Variants in HS3ST4 observed in about 807,000 individuals in gnomAD.
The protein encoded by HS3ST4 is heparan sulfate-glucosamine 3-sulfotransferase 4.
A neutral mutation model predicts 29.2 loss-of-function variants in HS3ST4; 17 were observed. The observed-to-expected ratio is 0.58, with a 90% CI of 0.40 to 0.87. The LOEUF (loss-of-function observed/expected upper bound fraction) is 0.87, where lower values mean the gene tolerates loss of function less well. Ranked by LOEUF, HS3ST4 falls within the 40% of genes least tolerant of loss-of-function variation. HS3ST4 has a pLI of 0.00. For missense variants in HS3ST4, 627 were observed against 634.5 expected, an observed-to-expected ratio of 0.99 and a Z score of 0.13; for synonymous variants, 314 against 285.7, an observed-to-expected ratio of 1.10 and a Z score of -1.00.
At chr16:25,923,479 G>A (rs1403992801) in intron 1 of HS3ST4, among the ~76,000 whole-genome samples, 1 of 152,186 alleles carries the variant, frequency 6.6e-6, no homozygotes, top group Non-Finnish European at 1.5e-5. Flanking sequence ...CTATCAAAAA[G>A]GAGGAAATTT....
chr16:25,694,711 G>A (rs918247133), intron 1 of HS3ST4, among the ~76,000 whole-genome samples: 1 of 152,032 alleles, frequency 6.6e-6, no homozygotes, highest in Non-Finnish European at 1.5e-5. Flanking sequence ...ATTGCTGGTT[G>A]TAGGAATGTT....
intron 1 of HS3ST4, among the ~76,000 whole-genome samples, chr16:25,702,536 T>C (rs4787741): frequency 0.68 from 103,956 of 151,806 alleles, 36,210 homozygotes; most frequent in Non-Finnish European, 0.76. Context: ...TTTTCCTTCC[T>C]TCCTCCTCCC....
intron 1 of HS3ST4, among the ~76,000 whole-genome samples, chr16:25,724,407 A>G (rs561631629): frequency 6.8e-6 from 1 of 148,004 alleles, no homozygotes; most frequent in East Asian, 2.0e-4. Flanking sequence ...TCTGTCACCC[A>G]AGCTGGAGTG....
intron 1 of HS3ST4, among the ~76,000 whole-genome samples, chr16:25,911,817 G>A (rs939054432): frequency 7.2e-5 from 11 of 151,948 alleles, no homozygotes; most frequent in African/African-American, 2.7e-4. Flanking sequence ...CTCGGATTTT[G>A]TTTTTGTTTT....
At chr16:25,698,465 C>T (rs921966884) in intron 1 of HS3ST4, among the ~76,000 whole-genome samples, 5 of 152,156 alleles carry the variant, frequency 3.3e-5, no homozygotes, top group African/African-American at 7.2e-5. Flanking sequence ...AGGTTCAAAA[C>T]GTGGCTTTAA....
rs1188700246 is a variant in HS3ST4 at position 25,986,101 on chromosome 16, C to G, written c.735-149511C>G. On this transcript the variant is annotated intron_variant, in intron 1 of 1. Transcript: ENST00000331351. Reference sequence around the variant, plus strand: ...GGTTTTACTCTCTGCTCTGACCACACTATTTAAAATTGCCAGCATCCTCTA... The same window carrying G: ...GGTTTTACTCTCTGCTCTGACCACAGTATTTAAAATTGCCAGCATCCTCTA... 2.6e-5 allele frequency among the ~76,000 whole-genome samples: 4 copies of G among 152,188 alleles called. No individual in the cohort carries two copies. In the East Asian group the frequency reaches 7.7e-4, roughly 29 times the overall value.
intron 1 of HS3ST4, among the ~76,000 whole-genome samples, chr16:25,956,120 T>G (rs1253064119): frequency 6.6e-6 from 1 of 152,084 alleles, no homozygotes; most frequent in Non-Finnish European, 1.5e-5. Context: ...CCAGCCAATG[T>G]GTACTTTTTA....
intron 1 of HS3ST4, among the ~76,000 whole-genome samples, chr16:26,007,426 A>G (rs1969268602): frequency 1.3e-5 from 2 of 152,210 alleles, no homozygotes; most frequent in Admixed American, 6.5e-5. Context: ...CCAGTTATCA[A>G]CTTTGTAACA....
At chr16:25,899,245 C>T (rs936810346) in intron 1 of HS3ST4, among the ~76,000 whole-genome samples, 3 of 152,228 alleles carry the variant, frequency 2.0e-5, no homozygotes, top group Non-Finnish European at 4.4e-5. Flanking sequence ...AGTCAGTCAA[C>T]CTCTCCTCTG....
At chr16:26,076,969 G>A (rs150606790) in intron 1 of HS3ST4, among the ~76,000 whole-genome samples, 1 of 152,206 alleles carries the variant, frequency 6.6e-6, no homozygotes, top group African/African-American at 2.4e-5. Flanking sequence ...GCTAGCTAGT[G>A]CTGCATAACA....
rs150221512 is a variant in HS3ST4, at chr16:25,709,762, A to G, written c.734+16611A>G. Among the ~76,000 whole-genome samples the G allele has an allele frequency of 5.6e-3, 849 of 152,226 alleles. 8 individuals are homozygous for G. Among genetic ancestry groups the G allele is most frequent in the African/African-American group, 0.019 (798 of 41,532 alleles). On this transcript the variant is annotated intron_variant, in intron 1 of 1. Coordinates refer to ENST00000331351, the MANE Select transcript of HS3ST4 (RefSeq NM_006040.3). ...AAAATGTATCCAGTCTCTAAACCTA[A>G]GATGTGTTCAATCCTGAAAAAAGTA...
intron 1 of HS3ST4, among the ~76,000 whole-genome samples, chr16:26,031,221 G>C (rs1382880039): frequency 6.6e-6 from 1 of 152,090 alleles, no homozygotes; most frequent in Non-Finnish European, 1.5e-5. Flanking sequence ...GCAAGAGTGA[G>C]CAGAGGAGCT....
At chr16:25,875,438 C>A (rs1967820746) in intron 1 of HS3ST4, among the ~76,000 whole-genome samples, 1 of 152,116 alleles carries the variant, frequency 6.6e-6, no homozygotes, top group Non-Finnish European at 1.5e-5. Flanking sequence ...ACTCTGTAGA[C>A]CTCATTTCCT....
intron 1 of HS3ST4, among the ~76,000 whole-genome samples, chr16:26,045,062 A>G (rs938298267): frequency 1.3e-5 from 2 of 152,158 alleles, no homozygotes; most frequent in Non-Finnish European, 2.9e-5. Context: ...TTGTATATCA[A>G]CCTGCTCTAA....
intron 1 of HS3ST4, among the ~76,000 whole-genome samples, chr16:26,000,242 A>G (rs1174650808): frequency 6.6e-6 from 1 of 152,086 alleles, no homozygotes; most frequent in Non-Finnish European, 1.5e-5. Context: ...TGCTTAAATG[A>G]CATCATCACC....
chr16:25,857,225 G>A (rs967359353), intron 1 of HS3ST4, among the ~76,000 whole-genome samples: 1 of 152,124 alleles, frequency 6.6e-6, no homozygotes. Flanking sequence ...GCCTCCAGGA[G>A]CTTCTTCTCC....
chr16:25,708,801 C>T (rs1464577442), intron 1 of HS3ST4, among the ~76,000 whole-genome samples: 1 of 152,174 alleles, frequency 6.6e-6, no homozygotes, highest in Non-Finnish European at 1.5e-5. Flanking sequence ...TTACCTTCAA[C>T]TCTTGGCCTT....
intron 1 of HS3ST4, among the ~76,000 whole-genome samples, chr16:25,892,751 G>A (rs1044837448): frequency 7.9e-5 from 12 of 152,056 alleles, no homozygotes; most frequent in South Asian, 2.1e-4. Context: ...GCCATTACCC[G>A]CCCTCCTTTT....
At chr16:25,962,731 G>T (rs1407263703) in intron 1 of HS3ST4, among the ~76,000 whole-genome samples, 1 of 152,150 alleles carries the variant, frequency 6.6e-6, no homozygotes, top group African/African-American at 2.4e-5. Context: ...TCAGCCTGGA[G>T]TTACACACTT....
Sources: allele counts gnomAD v4.1 joint callset (sites outside exome capture counted in the v4.1 genomes callset), GRCh38; gene constraint gnomAD v4.1.1; transcripts MANE v1.5; gene names NCBI Gene and HGNC (gene_info 2026-07-23, HGNC 2026-07-21).